The following CUL9 variants were observed in gnomAD, a reference collection of about 807,000 sequenced individuals.
CUL9 encodes cullin-9.
CUL9 carries 79 observed loss-of-function variants against 272.6 expected under a neutral mutation model. The ratio of observed to expected loss-of-function variants is 0.29; its 90% confidence interval spans 0.24 to 0.35. The LOEUF is 0.35. Among genes scored for constraint, CUL9 ranks in the 10% least tolerant of loss-of-function variants. The pLI, the probability that CUL9 is intolerant of heterozygous loss-of-function variation, is 1.00. For synonymous variants in CUL9, 1,186 were observed against 1,286.5 expected, an observed-to-expected ratio of 0.92 and a Z score of 1.67; for missense variants, 2,532 against 3,255.6, an observed-to-expected ratio of 0.78 and a Z score of 5.41.
chr6:43,192,661 C>G (rs976101645), intron 8 of CUL9, among the ~76,000 whole-genome samples: 9 of 152,178 alleles, frequency 5.9e-5, no homozygotes, highest in Non-Finnish European at 1.0e-4. Context: ...GGCAACAGAG[C>G]AAGACTCCAT....
intron 9 of CUL9, among the ~76,000 whole-genome samples, chr6:43,194,580 A>T (rs1392142630): frequency 6.6e-6 from 1 of 151,550 alleles, no homozygotes; most frequent in African/African-American, 2.4e-5. Flanking sequence ...CAGTCTCCCA[A>T]AGTGCTGGGA....
At chr6:43,204,217 G>A (rs1260142395) in intron 20 of CUL9, 143 bp from the exon 21 acceptor site, 2 of 1,139,598 alleles carry the variant, frequency 1.8e-6, no homozygotes, top group Non-Finnish European at 2.5e-6. Flanking sequence ...GACTCCAGCT[G>A]AAACAAACCT....
rs980833562 is a variant in CUL9 at position 43,206,531 on chromosome 6, A to G, written c.5212+21A>G. The G allele has an allele frequency of 3.7e-6, 6 of 1,611,256 alleles. No homozygotes were observed. The Admixed American group carries it at 5.0e-5, about 13-fold the overall frequency. On this transcript the variant is annotated intron_variant, in intron 26 of 40. Transcript: ENST00000252050. The surrounding 1 kb of genome is among the most constrained non-coding windows in gnomAD (Gnocchi z 4.8). ...CCAGAGTGAGGAACTAGGGAGAGGA[A>G]ATTGGAGATCGGGGTGAGATTCGGG...
rs1005239026 is a variant in CUL9, at chr6:43,224,229, G to A, written c.7359-21G>A. Reference sequence around the variant, plus strand: ...GGGACATGGCAGCCTCCTCTGGGCTGAGTGTGGTGGCTCTCCCTAGGCCCC... The same window carrying A: ...GGGACATGGCAGCCTCCTCTGGGCTAAGTGTGGTGGCTCTCCCTAGGCCCC... On this transcript the variant is annotated intron_variant, in intron 40 of 40. Transcript: ENST00000252050. This position sits in a 1 kb window ranked among gnomAD's most constrained non-coding sequence, Gnocchi z 4.2. 1 of 1,614,060 alleles carries A rather than the reference G, an allele frequency of 6.2e-7. No individual in the cohort carries two copies. Among genetic ancestry groups the A allele is most frequent in the Non-Finnish European group, 8.5e-7 (1 of 1,180,016 alleles).
chr6:43,203,552 A>G lies in CUL9; in HGVS notation c.3985A>G (p.Ile1329Val), dbSNP rs189244778. 240 of 1,613,838 alleles carry G rather than the reference A, an allele frequency of 1.5e-4. No individual in the cohort carries two copies. The East Asian group carries it at 5.3e-3, about 36-fold the overall frequency. Residue 1329 changes from isoleucine to valine, a missense_variant, in exon 19 of 41, where the codon ATA (isoleucine) becomes GTA (valine). By Grantham distance (29) the Ile-to-Val change is conservative (BLOSUM62 3). Coordinates refer to ENST00000252050, the MANE Select transcript of CUL9 (RefSeq NM_015089.4). This position sits in a 1 kb window ranked among gnomAD's most constrained non-coding sequence, Gnocchi z 5.0. ...TCGGGCACAAGCCTGGAGCCGGGAC[A>G]TAGCAGAGGACCACCGGCGCCTCCT... ...TIRAQAWSRD[I>V]AEDHRRLLQL... is the part of the protein sequence containing the mutation.
chr6:43,196,600 A>T (rs778112057), intron 10 of CUL9, 45 bp from the exon 11 acceptor site: 2 of 1,519,512 alleles, frequency 1.3e-6, no homozygotes, highest in Non-Finnish European at 1.8e-6. Flanking sequence ...CTTCCATTGC[A>T]TTCATGGTCT....
chr6:43,218,407 G>A lies in CUL9; in HGVS notation c.6282+1904G>A, dbSNP rs1323077136. On this transcript the variant is annotated intron_variant, in intron 31 of 40. Coordinates refer to ENST00000252050, the MANE Select transcript of CUL9 (RefSeq NM_015089.4). The surrounding 1 kb of genome is among the most constrained non-coding windows in gnomAD (Gnocchi z 4.4). ...AATTTTTTGCATTTTTAGTAGAGAC[G>A]GGGTTTCACTGTGTTAGCCAGGATG... 1.3e-5 allele frequency among the ~76,000 whole-genome samples: 2 copies of A among 151,936 alleles called. No homozygotes were observed. The highest frequency in any genetic ancestry group is 2.9e-5 in the Non-Finnish European group (2 of 67,986).
At chr6:43,210,318 T>C (rs1298782517) in intron 26 of CUL9, among the ~76,000 whole-genome samples, 1 of 152,170 alleles carries the variant, frequency 6.6e-6, no homozygotes, top group Admixed American at 6.6e-5. Flanking sequence ...TGTATGATAT[T>C]TCCTTGTGAT....
chr6:43,195,787 G>A (rs531600727), intron 9 of CUL9, among the ~76,000 whole-genome samples: 64 of 152,256 alleles, frequency 4.2e-4, no homozygotes, highest in African/African-American at 1.4e-3. Context: ...TTGGTGCTGC[G>A]AGCCTGGAGG....
chr6:43,194,625 G>T (rs1285110205), intron 9 of CUL9, among the ~76,000 whole-genome samples: 4 of 151,922 alleles, frequency 2.6e-5, no homozygotes, highest in East Asian at 1.9e-4. Context: ...AGCCTGGGAG[G>T]TGCTTTTCTT....
chr6:43,212,755 C>A (rs1189129425), intron 26 of CUL9: 1 of 167,912 alleles, frequency 6.0e-6, no homozygotes, highest in African/African-American at 2.4e-5. Flanking sequence ...TTGACAGCTT[C>A]CTTGCTTTCC....
rs768594475 is a variant in CUL9, at chr6:43,206,493, C to T, written c.5195C>T (p.Ser1732Phe). Residue 1732 changes from serine (S) to phenylalanine (F), a missense_variant, in exon 26 of 41, where the codon TCC (serine) becomes TTC (phenylalanine). This residue lies in a region of CUL9 where 2,218 missense variants were observed against 2,788.6 expected (regional missense o/e 0.80). Transcript: ENST00000252050. This position sits in a 1 kb window ranked among gnomAD's most constrained non-coding sequence, Gnocchi z 4.8. ...TTCTGTGATGCCCTTGACCGTTTCT[C>T]CAGTTTCTACAGCCAGAGTGAGGAA... The part of the protein sequence containing the change: ...TEFCDALDRF[S>F]SFYSQSQNHP... 3.7e-6 allele frequency: 6 copies of T among 1,614,184 alleles called. No homozygotes were observed. In the Admixed American group the frequency reaches 8.3e-5, roughly 22 times the overall value.
intron 24 of CUL9, 57 bp downstream of exon 24, chr6:43,205,480 G>A: frequency 1.3e-6 from 2 of 1,575,308 alleles, no homozygotes; most frequent in Non-Finnish European, 1.7e-6. Context: ...AGAGTGGAAA[G>A]ATTTGAGTCT....
Position 43,222,584 on chromosome 6 carries a change from G to T in CUL9, c.6975G>T (p.Pro2325=). The T allele has an allele frequency of 6.2e-7, 1 of 1,613,490 alleles. No homozygotes were observed. Residue 2325 remains proline, a synonymous_variant, in exon 37 of 41, where the codon CCG becomes CCT. Coordinates refer to ENST00000252050, the MANE Select transcript of CUL9 (RefSeq NM_015089.4). ...TGTCTGCCATCCATGAAGTGCCCCC[G>T]CCCAGATCCTTCACCTTCCTCAATG... ...NRVSAIHEVP[P]PRSFTFLNDA...
chr6:43,198,994 T>C, intron 12 of CUL9, 139 bp downstream of exon 12: 1 of 1,165,578 alleles, frequency 8.6e-7, no homozygotes, highest in East Asian at 2.5e-5. Flanking sequence ...TGGAGTGCAA[T>C]GGCACGATCT....
chr6:43,204,861 G>A lies in CUL9; in HGVS notation c.4449+4G>A. ...GCTGAGCGTGGTGCAGGAGCAGGTG[G>A]GCAGAAGCAAGCAGAAGTCTGCAGA... On this transcript the variant is annotated splice_donor_region_variant and intron_variant, in intron 22 of 40. Coordinates refer to ENST00000252050, the MANE Select transcript of CUL9 (RefSeq NM_015089.4). The A allele has an allele frequency of 6.2e-7, 1 of 1,614,050 alleles. No homozygotes were observed. Among genetic ancestry groups the A allele is most frequent in the Non-Finnish European group, 8.5e-7 (1 of 1,179,984 alleles).
rs752051799 is a variant in CUL9, at chr6:43,184,697, G to C, written c.387G>C (p.Gln129His). The change falls in exon 2 of 41, where the codon CAG (glutamine) becomes CAC (histidine). Residue 129 changes from glutamine (Q) to histidine (H), a missense_variant. Gln to His is a conservative substitution (Grantham distance 24, BLOSUM62 0). Coordinates refer to ENST00000252050, the MANE Select transcript of CUL9 (RefSeq NM_015089.4). This position sits in a 1 kb window ranked among gnomAD's most constrained non-coding sequence, Gnocchi z 4.8. ...VQALVRRAAR[Q>H]LAESGTPSLT... ...CGCTGGTACGCAGGGCGGCCAGGCA[G>C]CTGGCAGAAAGTGGGACCCCAAGCC... 1 of 1,613,372 alleles carries C rather than the reference G, an allele frequency of 6.2e-7. No homozygotes were observed. The highest frequency in any genetic ancestry group is 1.3e-5 in the African/African-American group (1 of 74,942).
chr6:43,196,366 T>C, intron 10 of CUL9, 101 bp downstream of exon 10: 1 of 1,190,386 alleles, frequency 8.4e-7, no homozygotes, highest in Non-Finnish European at 1.2e-6. Flanking sequence ...CCCCTCACGC[T>C]GTCACCTCCG....
chr6:43,187,526 T>C, intron 6 of CUL9, 87 bp downstream of exon 6: 8 of 1,433,542 alleles, frequency 5.6e-6, no homozygotes, highest in Non-Finnish European at 7.7e-6. Flanking sequence ...GGGTTACCGC[T>C]TAGGGGGAGG....
Sources: allele counts gnomAD v4.1 joint callset (sites outside exome capture counted in the v4.1 genomes callset), GRCh38; gene constraint gnomAD v4.1.1; regional missense constraint gnomAD v4.1.1; non-coding constraint Gnocchi (gnomAD v3.1); transcripts MANE v1.5; gene names NCBI Gene and HGNC (gene_info 2026-07-23, HGNC 2026-07-21).